Variants in ALCAM observed in about 807,000 individuals in gnomAD.
The protein encoded by ALCAM is CD166 antigen.
In ALCAM, 30 loss-of-function variants were observed where a neutral mutation model predicts 70.9. The ratio of observed to expected loss-of-function variants is 0.42; its 90% CI spans 0.32 to 0.57. The LOEUF (loss-of-function observed/expected upper bound fraction) is 0.57, where lower values mean the gene tolerates loss of function less well. Ranked by LOEUF, ALCAM falls within the 20% of genes least tolerant of loss-of-function variation. The pLI is 0.11. For synonymous variants in ALCAM, 249 were observed against 242.5 expected, an observed-to-expected ratio of 1.03 and a Z score of -0.25; for missense variants, 591 against 695.1, an observed-to-expected ratio of 0.85 and a Z score of 1.68.
At chr3:105,486,264 C>T (rs1484329675) in intron 1 of ALCAM, among the ~76,000 whole-genome samples, 1 of 152,110 alleles carries the variant, frequency 6.6e-6, no homozygotes, top group Non-Finnish European at 1.5e-5. Flanking sequence ...GTGAAAGATA[C>T]TTCTAAAGTG....
intron 2 of ALCAM, 99 bp downstream of exon 2, chr3:105,520,266 ATAT>A (rs1053291912): frequency 1.2e-6 from 1 of 838,972 alleles, no homozygotes; most frequent in Non-Finnish European, 2.0e-6. Flanking sequence ...CCTAAATGCA[ATAT>A]TAAACTGTGA....
At chr3:105,565,044 C>CA (rs977700067) in intron 14 of ALCAM, among the ~76,000 whole-genome samples, 2 of 151,742 alleles carry the variant, frequency 1.3e-5, no homozygotes, top group African/African-American at 4.8e-5. Flanking sequence ...GAAAAAAAAA[C>CA]AGAGGCTAAG....
intron 14 of ALCAM, among the ~76,000 whole-genome samples, chr3:105,566,214 C>T (rs1167040504): frequency 6.6e-6 from 1 of 152,160 alleles, no homozygotes; most frequent in Non-Finnish European, 1.5e-5. Context: ...ACTGCTGATA[C>T]CAAGGGACAA....
intron 1 of ALCAM, among the ~76,000 whole-genome samples, chr3:105,412,229 T>C (rs1159221564): frequency 6.6e-6 from 1 of 152,090 alleles, no homozygotes; most frequent in Non-Finnish European, 1.5e-5. Flanking sequence ...GTCCAAATAA[T>C]TAGGACATTG....
chr3:105,391,856 T>C (rs1176001896), intron 1 of ALCAM, among the ~76,000 whole-genome samples: 2 of 152,164 alleles, frequency 1.3e-5, no homozygotes, highest in African/African-American at 4.8e-5. Context: ...CCTTTAGTTC[T>C]GTTTATGTGA....
chr3:105,467,241 C>A (rs1248326800), intron 1 of ALCAM, among the ~76,000 whole-genome samples: 1 of 151,180 alleles, frequency 6.6e-6, no homozygotes, highest in Non-Finnish European at 1.5e-5. Context: ...CTATTGAGAA[C>A]AGAAATGTTT....
intron 1 of ALCAM, among the ~76,000 whole-genome samples, chr3:105,470,105 A>G (rs1576184268): frequency 1.5e-5 from 2 of 135,732 alleles, no homozygotes; most frequent in African/African-American, 5.3e-5. Context: ...ATATACATAT[A>G]TGTGTGTGTA....
chr3:105,374,560 A>T, intron 1 of ALCAM, among the ~76,000 whole-genome samples: 1 of 152,048 alleles, frequency 6.6e-6, no homozygotes, highest in Non-Finnish European at 1.5e-5. Context: ...CTTGTTACCC[A>T]GGCTGGAGTG....
At chr3:105,399,116 A>T (rs561040917) in intron 1 of ALCAM, among the ~76,000 whole-genome samples, 3 of 152,256 alleles carry the variant, frequency 2.0e-5, no homozygotes, top group Non-Finnish European at 1.5e-5. Context: ...TCATTTTTTT[A>T]AAATGCTACT....
rs542088286 is a variant in ALCAM, at chr3:105,434,929, C to T, written c.73+67448C>T. ...ATCCTAAACTTAATATTTTAAAATCCTTATATATGTGATTTAAGAGCAAGC... is the reference window on the plus strand; with the variant it reads ...ATCCTAAACTTAATATTTTAAAATCTTTATATATGTGATTTAAGAGCAAGC... On this transcript the variant is annotated intron_variant, in intron 1 of 15. Coordinates refer to ENST00000306107, the MANE Select transcript of ALCAM (RefSeq NM_001627.4). Among the ~76,000 whole-genome samples, 4 of 152,088 alleles carry T rather than the reference C, an allele frequency of 2.6e-5. No individual in the cohort carries two copies. The South Asian group carries it at 8.3e-4, about 32-fold the overall frequency.
rs115452802 is a variant in ALCAM at position 105,442,404 on chromosome 3, T to C, written c.73+74923T>C. On this transcript the variant is annotated intron_variant, in intron 1 of 15. Transcript: ENST00000306107. Reference sequence around the variant, plus strand: ...TGAATATTTAAAATACATTTTCAGTTTGTTTCTTAGGATAAGTGAGAAAAA... The same window carrying C: ...TGAATATTTAAAATACATTTTCAGTCTGTTTCTTAGGATAAGTGAGAAAAA... Among the ~76,000 whole-genome samples, 493 of 152,302 alleles carry C rather than the reference T, an allele frequency of 3.2e-3. 4 individuals are homozygous for C. The highest frequency in any genetic ancestry group is 0.01 in the African/African-American group (428 of 41,570).
chr3:105,484,666 G>A (rs780003871), intron 1 of ALCAM, among the ~76,000 whole-genome samples: 14 of 152,026 alleles, frequency 9.2e-5, no homozygotes, highest in Non-Finnish European at 1.5e-4. Context: ...ATAGTAATAC[G>A]AGGGTCAGGC....
rs1269720115 is a variant in ALCAM, at chr3:105,547,322, T to G, written c.1240+38T>G. On this transcript the variant is annotated intron_variant, in intron 10 of 15. Coordinates refer to ENST00000306107, the MANE Select transcript of ALCAM (RefSeq NM_001627.4). ...TTGGGCACTAATTCAAATTGTTCTT[T>G]GAGAATTTTTTACCTGGTTTCTTTT... is the stretch of plus-strand genomic sequence containing the variant. The G allele has an allele frequency of 3.2e-6, 5 of 1,576,684 alleles. No individual in the cohort carries two copies. The African/African-American group carries it at 5.5e-5, about 17-fold the overall frequency.
At chr3:105,428,044 A>C (rs13062366) in intron 1 of ALCAM, among the ~76,000 whole-genome samples, 107,049 of 151,818 alleles carry the variant, frequency 0.71, 38,034 homozygotes, top group East Asian at 0.93. Flanking sequence ...TTTTTTAATT[A>C]TTCATTTGTA....
chr3:105,456,283 G>A (rs1937534498), intron 1 of ALCAM, among the ~76,000 whole-genome samples: 1 of 152,150 alleles, frequency 6.6e-6, no homozygotes, highest in Admixed American at 6.5e-5. Context: ...CCACCAGCTT[G>A]TCCTTGAATT....
At chr3:105,387,194 C>A (rs1935682196) in intron 1 of ALCAM, among the ~76,000 whole-genome samples, 1 of 151,266 alleles carries the variant, frequency 6.6e-6, no homozygotes, top group Non-Finnish European at 1.5e-5. Context: ...TAGGGAAGGG[C>A]AGGCGGAAAT....
intron 1 of ALCAM, among the ~76,000 whole-genome samples, chr3:105,397,415 CA>C (rs1412519882): frequency 2.0e-5 from 3 of 151,718 alleles, no homozygotes; most frequent in Non-Finnish European, 4.4e-5. Context: ...TGTTGAATAA[CA>C]AAAAGTGATA....
intron 1 of ALCAM, among the ~76,000 whole-genome samples, chr3:105,476,767 T>C (rs143656863): frequency 6.6e-6 from 1 of 152,166 alleles, no homozygotes; most frequent in Admixed American, 6.6e-5. Flanking sequence ...CAAAGACATA[T>C]ACAATTTCTT....
chr3:105,490,682 C>T (rs1208056196), intron 1 of ALCAM, among the ~76,000 whole-genome samples: 1 of 152,162 alleles, frequency 6.6e-6, no homozygotes, highest in Non-Finnish European at 1.5e-5. Flanking sequence ...GTAGTCAAAT[C>T]TTAAAGCTCC....
Sources: gnomAD v4.1 joint callset for allele counts (sites outside exome capture counted in the v4.1 genomes callset) on GRCh38, gnomAD v4.1.1 for gene constraint, MANE v1.5 for transcripts, NCBI Gene and HGNC (gene_info 2026-07-23, HGNC 2026-07-21) for gene names.